ITPR2: variants seen among roughly 807,000 people sequenced by gnomAD.
ITPR2 encodes the protein inositol 1,4,5-trisphosphate-gated calcium channel ITPR2.
A neutral mutation model predicts 317.1 loss-of-function variants in ITPR2; 207 were observed. The ratio of observed to expected loss-of-function variants is 0.65; its 90% CI spans 0.58 to 0.73. The LOEUF (loss-of-function observed/expected upper bound fraction) is 0.73. ITPR2 is among the 30% of genes least tolerant of loss of function. The pLI, the probability that ITPR2 is intolerant of heterozygous loss-of-function variation, is 0.00. For missense variants in ITPR2, 2,613 were observed against 3,284.0 expected (o/e 0.80, Z 4.99); for synonymous variants, 1,156 against 1,149.1 (o/e 1.01, Z -0.12).
chr12:26,682,112 T>C (rs1336021180), intron 12 of ITPR2, 78 bp from the exon 13 acceptor site: 1 of 1,164,000 alleles, frequency 8.6e-7, no homozygotes, highest in Non-Finnish European at 1.2e-6. Context: ...TCTAGTACTG[T>C]TTAAGAAATA....
At chr12:26,541,290 A>G (rs994500551) in intron 37 of ITPR2, among the ~76,000 whole-genome samples, 2 of 152,064 alleles carry the variant, frequency 1.3e-5, no homozygotes, top group Non-Finnish European at 2.9e-5. Flanking sequence ...GCACTCCAGC[A>G]TGGGTGACAA....
chr12:26,663,721 G>T lies in ITPR2; in HGVS notation c.1677C>A (p.Val559=), dbSNP rs1033057553. The T allele has an allele frequency of 2.5e-6, 4 of 1,612,990 alleles. No individual in the cohort carries two copies. The highest frequency in any genetic ancestry group is 3.4e-6 in the Non-Finnish European group (4 of 1,179,792). ...GGTAATCCTGCTGCGAGTGTCTCAGGACGCGGTAACAGAGCCGCAGCATGT... is the reference window on the plus strand; with the variant it reads ...GGTAATCCTGCTGCGAGTGTCTCAGTACGCGGTAACAGAGCCGCAGCATGT... ...YKYMLRLCYR[V]LRHSQQDYRK... The change falls in exon 15 of 57, where the codon GTC becomes GTA. Residue 559 remains valine (V), a synonymous_variant. Coordinates refer to ENST00000381340, the MANE Select transcript of ITPR2 (RefSeq NM_002223.4).
intron 26 of ITPR2, 131 bp downstream of exon 26, chr12:26,620,992 T>A: frequency 2.6e-6 from 2 of 759,074 alleles, no homozygotes; most frequent in East Asian, 2.6e-5. Context: ...ACTTAGCAAA[T>A]GAAAATTTTG....
chr12:26,695,194 A>G lies in ITPR2; in HGVS notation c.996+412T>C, dbSNP rs116752022. Among the ~76,000 whole-genome samples, 246 of 152,336 alleles carry G rather than the reference A, an allele frequency of 1.6e-3. 1 individual carries two copies. Among genetic ancestry groups the G allele is most frequent in the African/African-American group, 5.5e-3 (227 of 41,578 alleles). ...GTTAAATTGCTCTTTAAAACTTTTT[A>G]AAAATCTAGCCCAACATCCAGAGAT... On this transcript the variant is annotated intron_variant, in intron 10 of 56. Coordinates refer to ENST00000381340, the MANE Select transcript of ITPR2 (RefSeq NM_002223.4).
intron 41 of ITPR2, among the ~76,000 whole-genome samples, chr12:26,484,207 AT>A (rs1942611063): frequency 1.3e-5 from 2 of 151,466 alleles, no homozygotes; most frequent in South Asian, 4.2e-4. Flanking sequence ...CATAATAAAC[AT>A]TTCTCAGTGT....
intron 11 of ITPR2, 64 bp from the exon 12 acceptor site, chr12:26,682,737 T>C: frequency 1.1e-6 from 1 of 908,054 alleles, no homozygotes; most frequent in Non-Finnish European, 1.8e-6. Flanking sequence ...TATTAACATC[T>C]TTAACAGTTT....
At chr12:26,444,280 T>C (rs1425986532) in intron 45 of ITPR2, among the ~76,000 whole-genome samples, 3 of 152,154 alleles carry the variant, frequency 2.0e-5, no homozygotes, top group Non-Finnish European at 4.4e-5. Flanking sequence ...GTCTACAGCA[T>C]GTGTTGGCTA....
chr12:26,676,082 C>T (rs909208549), intron 13 of ITPR2, among the ~76,000 whole-genome samples: 1 of 152,040 alleles, frequency 6.6e-6, no homozygotes, highest in Admixed American at 6.5e-5. Context: ...CGCTTGAACC[C>T]AGGAGGTGGA....
At chr12:26,427,868 T>A in intron 49 of ITPR2, 45 bp downstream of exon 49, 6 of 1,280,920 alleles carry the variant, frequency 4.7e-6, no homozygotes, top group Non-Finnish European at 5.1e-6. Context: ...TTCATACACT[T>A]TTAAACTAAT....
At chr12:26,456,304 T>G (rs1234491256) in intron 45 of ITPR2, among the ~76,000 whole-genome samples, 1 of 152,240 alleles carries the variant, frequency 6.6e-6, no homozygotes, top group Non-Finnish European at 1.5e-5. Context: ...ACACTAATTA[T>G]ATTGCATTGG....
chr12:26,503,052 C>G (rs1004328362), intron 37 of ITPR2, among the ~76,000 whole-genome samples: 1 of 152,078 alleles, frequency 6.6e-6, no homozygotes, highest in African/African-American at 2.4e-5. Flanking sequence ...AACAGTAGTG[C>G]AGTCCTTGAT....
chr12:26,652,640 C>T (rs887325780), intron 21 of ITPR2, among the ~76,000 whole-genome samples: 1 of 152,144 alleles, frequency 6.6e-6, no homozygotes, highest in Non-Finnish European at 1.5e-5. Flanking sequence ...GTTACACAGC[C>T]CCCTCCAGGA....
rs775935753 is a variant in ITPR2, at chr12:26,711,199, C to T, written c.925G>A (p.Ala309Thr). 6.2e-7 allele frequency: 1 copy of T among 1,613,514 alleles called. No individual in the cohort carries two copies. The highest frequency in any genetic ancestry group is 1.1e-5 in the South Asian group (1 of 91,072). The change falls in exon 9 of 57, where the codon GCA becomes ACA. Residue 309 changes from alanine (A) to threonine (T), a missense_variant. Ala to Thr is a moderately conservative substitution (Grantham distance 58). Coordinates refer to ENST00000381340, the MANE Select transcript of ITPR2 (RefSeq NM_002223.4). ...WNSLFRFKHL[A>T]TGNYLAAELN... ...TCTGCAGCTAAATAGTTTCCAGTTGCAAGATGCTTAAATCTGAACAAGCTG... is the reference window on the plus strand; with the variant it reads ...TCTGCAGCTAAATAGTTTCCAGTTGTAAGATGCTTAAATCTGAACAAGCTG...
chr12:26,711,204 TG>T lies in ITPR2; in HGVS notation c.919del (p.His307IlefsTer8). 6.2e-7 allele frequency: 1 copy of T among 1,613,792 alleles called. No individual in the cohort carries two copies. Among genetic ancestry groups the T allele is most frequent in the Non-Finnish European group, 8.5e-7 (1 of 1,179,772 alleles). On this transcript the variant is annotated frameshift_variant, in exon 9 of 57. Coordinates refer to ENST00000381340, the MANE Select transcript of ITPR2 (RefSeq NM_002223.4). LOFTEE classifies it high-confidence loss of function. ...GQWNSLFRFKHLATGNYLAAE... is the reference protein window; with the variant it reads ...GQWNSLFRFKXLATGNYLAAE... Reference sequence around the variant, plus strand: ...AGCTAAATAGTTTCCAGTTGCAAGATGCTTAAATCTGAACAAGCTGTTCCAC... The same window carrying T: ...AGCTAAATAGTTTCCAGTTGCAAGATCTTAAATCTGAACAAGCTGTTCCAC...
At chr12:26,411,234 A>G in intron 52 of ITPR2, 86 bp downstream of exon 52, 1 of 834,484 alleles carries the variant, frequency 1.2e-6, no homozygotes, top group South Asian at 1.6e-5. Context: ...AAATTTGTAG[A>G]GCAATTCCCT....
rs10687022 is a variant in ITPR2 at position 26,383,650 on chromosome 12, A to ATTTT, written c.7857+3780_7857+3783dup. Among the ~76,000 whole-genome samples the ATTTT allele has an allele frequency of 7.4e-3, 989 of 134,308 alleles. 13 individuals are homozygous for ATTTT. The highest frequency in any genetic ancestry group is 0.021 in the African/African-American group (742 of 35,872). The allele number at this position is 134,308 out of a possible 152,430, so 88.1% of individuals were successfully genotyped here. A position where few individuals can be genotyped will look rare whatever the true frequency, so the allele number is the denominator to read the frequency against. ...ATGTGCCCACCACCACGCCTGGCTA[A>ATTTT]TTTTTTTTTTTTTTTTTTGGTATTT... On this transcript the variant is annotated intron_variant, in intron 55 of 56. Coordinates refer to ENST00000381340, the MANE Select transcript of ITPR2 (RefSeq NM_002223.4).
chr12:26,749,571 G>T (rs565910784), intron 2 of ITPR2, among the ~76,000 whole-genome samples: 1 of 152,218 alleles, frequency 6.6e-6, no homozygotes, highest in African/African-American at 2.4e-5. Flanking sequence ...GATGATCACA[G>T]GATTATGTTC....
In ITPR2 at chr12:26,756,950, T is replaced by C. The variant is rs932299551; in HGVS notation, c.164-31185A>G. Among the ~76,000 whole-genome samples, 9 of 152,196 alleles carry C rather than the reference T, an allele frequency of 5.9e-5. No individual in the cohort carries two copies. In the South Asian group the frequency reaches 1.9e-3, roughly 31 times the overall value. ...ATACAGGTCATAAAGATCTTGTTGA[T>C]AAAACAAGTTGTAATAAAGAAGCCT... On this transcript the variant is annotated intron_variant, in intron 2 of 56. Transcript: ENST00000381340.
chr12:26,483,904 G>C lies in ITPR2; in HGVS notation c.5812-6C>G. 6.2e-7 allele frequency: 1 copy of C among 1,612,512 alleles called. No homozygotes were observed. On this transcript the variant is annotated splice_polypyrimidine_tract_variant and splice_region_variant and intron_variant, in intron 41 of 56. Coordinates refer to ENST00000381340, the MANE Select transcript of ITPR2 (RefSeq NM_002223.4). ...TTTTGATTCCTCAAGAAGTTCTGAAGGCAAAAGAAAATAAAATTGAAGGGT... is the reference window on the plus strand; with the variant it reads ...TTTTGATTCCTCAAGAAGTTCTGAACGCAAAAGAAAATAAAATTGAAGGGT...
Sources: allele counts gnomAD v4.1 joint callset (sites outside exome capture counted in the v4.1 genomes callset), GRCh38; gene constraint gnomAD v4.1.1; transcripts MANE v1.5; gene names NCBI Gene and HGNC (gene_info 2026-07-23, HGNC 2026-07-21).